Variants in TEAD4 observed in about 807,000 individuals in gnomAD.
The protein encoded by TEAD4 is TEA domain transcription factor 4, also known as transcriptional enhancer factor TEF-3.
A neutral mutation model predicts 52.4 loss-of-function variants in TEAD4; 36 were observed. That is an observed-to-expected ratio of 0.69 (90% CI 0.53 to 0.91). The LOEUF is 0.91. Among genes scored for constraint, TEAD4 ranks in the 40% least tolerant of loss-of-function variants. The probability of loss-of-function intolerance (pLI) is 0.00; values close to 1 mark genes in which losing one functional copy is unlikely to be tolerated. For missense variants in TEAD4, 508 were observed against 583.9 expected (o/e 0.87, Z 1.34); for synonymous variants, 220 against 231.0 (o/e 0.95, Z 0.43).
At chr12:2,965,491 A>C (rs970448172) in intron 2 of TEAD4, among the ~76,000 whole-genome samples, 1 of 152,170 alleles carries the variant, frequency 6.6e-6, no homozygotes, top group Non-Finnish European at 1.5e-5. Flanking sequence ...CACCTTAAAA[A>C]AAAAAAGTGA....
chr12:2,961,649 A>G (rs1176035183), intron 2 of TEAD4, among the ~76,000 whole-genome samples: 1 of 152,120 alleles, frequency 6.6e-6, no homozygotes, highest in Non-Finnish European at 1.5e-5. Context: ...TTTTCTGTCC[A>G]GAAAGTTTCT....
At position 2,985,870 on chromosome 12, in the gene TEAD4, C is replaced by T. The variant is rs930535846; in HGVS notation, c.-29-8868C>T. 4.0e-5 allele frequency among the ~76,000 whole-genome samples: 6 copies of T among 151,282 alleles called. 1 individual carries two copies. The South Asian group carries it at 8.4e-4, about 21-fold the overall frequency. The stretch of plus-strand genomic sequence containing the variant: ...GGAGGCCGAGGCGGGTGGATCACTA[C>T]GTCAGGAGTTCAAGACCAGCCTGGC... On this transcript the variant is annotated intron_variant, in intron 2 of 12. Transcript: ENST00000359864.
chr12:3,020,111 G>A (rs1258946774), intron 8 of TEAD4, among the ~76,000 whole-genome samples: 2 of 152,162 alleles, frequency 1.3e-5, no homozygotes, highest in Non-Finnish European at 2.9e-5. Flanking sequence ...CTAAACTACA[G>A]TAGGACTGGA....
chr12:3,039,718 C>T (rs1453962327), intron 11 of TEAD4, among the ~76,000 whole-genome samples: 2 of 152,222 alleles, frequency 1.3e-5, no homozygotes, highest in Admixed American at 6.5e-5. Context: ...GAGACAGTCT[C>T]ACTCTGTCGC....
intron 2 of TEAD4, among the ~76,000 whole-genome samples, chr12:2,989,889 C>T (rs1413161677): frequency 6.6e-6 from 1 of 152,220 alleles, no homozygotes; most frequent in Non-Finnish European, 1.5e-5. Context: ...TAGGATTCAG[C>T]ATGGTTCCTG....
chr12:2,980,345 A>G (rs988292105), intron 2 of TEAD4, among the ~76,000 whole-genome samples: 1 of 152,074 alleles, frequency 6.6e-6, no homozygotes, highest in African/African-American at 2.4e-5. Flanking sequence ...TAGCCTGCCA[A>G]TCCAGGCTAC....
In TEAD4 at chr12:2,972,346, T is replaced by C. The variant is rs1443347368; in HGVS notation, c.-30+12306T>C. ...ATCCTCCCGTCTCGGACCCTCAAAG[T>C]GCTTGGATTACGGGTGTGAGCCACC... is the stretch of plus-strand genomic sequence containing the variant. On this transcript the variant is annotated intron_variant, in intron 2 of 12. Coordinates refer to ENST00000359864, the MANE Select transcript of TEAD4 (RefSeq NM_003213.4). Among the ~76,000 whole-genome samples, 6 of 152,040 alleles carry C rather than the reference T, an allele frequency of 3.9e-5. No individual in the cohort carries two copies. In the East Asian group the frequency reaches 1.2e-3, roughly 29 times the overall value.
chr12:2,978,376 GT>G (rs36048636), intron 2 of TEAD4, among the ~76,000 whole-genome samples: 17,353 of 147,984 alleles, frequency 0.12, 1,123 homozygotes, highest in African/African-American at 0.17. Flanking sequence ...GTAAGTGCCT[GT>G]TTTTTTTTTT....
At chr12:3,001,995 G>A (rs2098252095) in intron 3 of TEAD4, among the ~76,000 whole-genome samples, 1 of 151,980 alleles carries the variant, frequency 6.6e-6, no homozygotes, top group Non-Finnish European at 1.5e-5. Flanking sequence ...GGGAGGCTGA[G>A]CCACGAGAAT....
intron 2 of TEAD4, among the ~76,000 whole-genome samples, chr12:2,963,890 G>C (rs192298523): frequency 6.6e-6 from 1 of 152,200 alleles, no homozygotes; most frequent in African/African-American, 2.4e-5. Flanking sequence ...GTGTGGGCAG[G>C]CGGGCCCCCA....
chr12:2,971,622 C>A (rs1424828812), intron 2 of TEAD4, among the ~76,000 whole-genome samples: 1 of 149,432 alleles, frequency 6.7e-6, no homozygotes. Flanking sequence ...ACTACAGGCA[C>A]CCCCCACCAC....
chr12:3,034,675 G>C (rs997496372), intron 10 of TEAD4, among the ~76,000 whole-genome samples: 1 of 152,214 alleles, frequency 6.6e-6, no homozygotes, highest in Non-Finnish European at 1.5e-5. Flanking sequence ...GCTCATTCTT[G>C]TAATCCCCCC....
intron 3 of TEAD4, 70 bp from the exon 4 acceptor site, chr12:3,010,934 C>T: frequency 6.4e-7 from 1 of 1,570,816 alleles, no homozygotes; most frequent in Non-Finnish European, 8.7e-7. Context: ...GCAGAAGGTA[C>T]CCCGCACCCC....
intron 10 of TEAD4, among the ~76,000 whole-genome samples, chr12:3,030,838 G>A (rs571759784): frequency 2.0e-5 from 3 of 152,284 alleles, no homozygotes; most frequent in East Asian, 3.9e-4. Flanking sequence ...TCATGGCCAC[G>A]TGCGTAGCCA....
At chr12:3,019,922 C>T (rs928409287) in intron 8 of TEAD4, among the ~76,000 whole-genome samples, 1 of 152,216 alleles carries the variant, frequency 6.6e-6, no homozygotes, top group South Asian at 2.1e-4. Flanking sequence ...CCACACTGAC[C>T]ATGTCTTCAC....
chr12:2,971,915 TGA>T (rs148224986), intron 2 of TEAD4, among the ~76,000 whole-genome samples: 26,394 of 143,082 alleles, frequency 0.18, 3,580 homozygotes, highest in African/African-American at 0.4. Context: ...CGGGTTCAAG[TGA>T]TTCTCCTGCC....
At chr12:3,014,495 C>T (rs1023587737) in intron 5 of TEAD4, among the ~76,000 whole-genome samples, 4 of 152,226 alleles carry the variant, frequency 2.6e-5, no homozygotes, top group African/African-American at 7.2e-5. Context: ...TTGTCATATT[C>T]TCAAAGGATC....
intron 2 of TEAD4, among the ~76,000 whole-genome samples, chr12:2,984,135 AGGTG>A (rs1223732430): frequency 6.6e-6 from 1 of 152,126 alleles, no homozygotes; most frequent in Non-Finnish European, 1.5e-5. Context: ...TGGGGCTTGG[AGGTG>A]GGTTCAAAGA....
At chr12:2,973,032 C>T (rs925267427) in intron 2 of TEAD4, among the ~76,000 whole-genome samples, 3 of 152,292 alleles carry the variant, frequency 2.0e-5, no homozygotes, top group Middle Eastern at 3.4e-3. Context: ...CCCCTGGCCA[C>T]GCTGATCTGT....
Sources: gnomAD v4.1 joint callset for allele counts (sites outside exome capture counted in the v4.1 genomes callset) on GRCh38, gnomAD v4.1.1 for gene constraint, MANE v1.5 for transcripts, NCBI Gene and HGNC (gene_info 2026-07-23, HGNC 2026-07-21) for gene names.